NDEL1: variants seen among roughly 807,000 people sequenced by gnomAD.
NDEL1 encodes nudE neurodevelopment protein 1 like 1.
In NDEL1, 9 loss-of-function variants were observed where a neutral mutation model predicts 45.7. The observed-to-expected ratio is 0.20, with a 90% CI of 0.12 to 0.34. NDEL1 has a LOEUF of 0.34. Among genes scored for constraint, NDEL1 ranks in the 10% least tolerant of loss-of-function variants. NDEL1 has a pLI of 1.00. For missense variants in NDEL1, 306 were observed against 406.2 expected (o/e 0.75, Z 2.12); for synonymous variants, 133 against 158.6 (o/e 0.84, Z 1.21).
chr17:8,422,323 G>A (rs1260992598), intron 1 of NDEL1, among the ~76,000 whole-genome samples: 1 of 151,790 alleles, frequency 6.6e-6, no homozygotes, highest in Non-Finnish European at 1.5e-5. Flanking sequence ...TTTTTTTGTT[G>A]TTGTTGACGG....
intron 7 of NDEL1, 34 bp downstream of exon 7, chr17:8,454,921 A>G (rs1289256365): frequency 6.6e-7 from 1 of 1,503,928 alleles, no homozygotes; most frequent in East Asian, 2.3e-5. Context: ...AGGTGTTTCC[A>G]CTGACAAGGT....
intron 2 of NDEL1, 73 bp from the exon 3 acceptor site, chr17:8,445,638 C>G: frequency 6.7e-7 from 1 of 1,487,982 alleles, no homozygotes; most frequent in Non-Finnish European, 9.0e-7. Flanking sequence ...TATCGAATTG[C>G]TCTATAATCA....
chr17:8,419,699 G>T (rs1334851198), intron 1 of NDEL1, among the ~76,000 whole-genome samples: 1 of 152,060 alleles, frequency 6.6e-6, no homozygotes, highest in African/African-American at 2.4e-5. Flanking sequence ...AAGGAAAAAG[G>T]TAAACTTTAA....
chr17:8,435,508 C>CA (rs2151702710), upstream of NDEL1, among the ~76,000 whole-genome samples: 1 of 152,310 alleles, frequency 6.6e-6, no homozygotes, highest in South Asian at 2.1e-4. Context: ...GGTGTTCGAG[C>CA]AGGGGGAATG....
chr17:8,468,741 G>A (rs1911755693), downstream of NDEL1, among the ~76,000 whole-genome samples: 1 of 152,216 alleles, frequency 6.6e-6, no homozygotes, highest in African/African-American at 2.4e-5. Context: ...AAAACGATGT[G>A]AATCAAAACC....
At chr17:8,460,964 G>T (rs1013930932) in intron 8 of NDEL1, among the ~76,000 whole-genome samples, 1 of 151,990 alleles carries the variant, frequency 6.6e-6, no homozygotes, top group Non-Finnish European at 1.5e-5. Context: ...ATGGTAATAC[G>T]TGGTTGTATG....
chr17:8,420,805 T>C (rs1908690084), intron 1 of NDEL1, among the ~76,000 whole-genome samples: 1 of 152,194 alleles, frequency 6.6e-6, no homozygotes, highest in Admixed American at 6.5e-5. Context: ...GGGATGCTAT[T>C]AAGGAAAAGC....
intron 1 of NDEL1, among the ~76,000 whole-genome samples, chr17:8,422,732 T>TTTTCC (rs2151694487): frequency 6.7e-6 from 1 of 150,198 alleles, no homozygotes; most frequent in South Asian, 2.1e-4. Context: ...GTAATTTTCT[T>TTTTCC]TTTTCCTTTT....
chr17:8,428,351 TGTGTGTGTGTA>T (rs1250172627), intron 1 of NDEL1, among the ~76,000 whole-genome samples: 10 of 131,494 alleles, frequency 7.6e-5, no homozygotes, highest in South Asian at 5.2e-4. Context: ...TGTGTGTGTG[TGTGTGTGTGTA>T]TTTTTTTTTT....
At chr17:8,434,485 G>A (rs1909126137), upstream of NDEL1, among the ~76,000 whole-genome samples, 1 of 152,272 alleles carries the variant, frequency 6.6e-6, no homozygotes, top group African/African-American at 2.4e-5. Flanking sequence ...CCAAAGTGCT[G>A]CAGCGCCTGG....
chr17:8,448,703 A>G lies in NDEL1; in HGVS notation c.526+17A>G, dbSNP rs374533836. 9 of 1,602,574 alleles carry G rather than the reference A, an allele frequency of 5.6e-6. No homozygotes were observed. The African/African-American group carries it at 8.0e-5, about 14-fold the overall frequency. Reference sequence around the variant, plus strand: ...AAGCAAGAGGTAAAATTTATAACTTAAAGAATACAGTTGACCCTTGAACAA... The same window carrying G: ...AAGCAAGAGGTAAAATTTATAACTTGAAGAATACAGTTGACCCTTGAACAA... On this transcript the variant is annotated intron_variant, in intron 5 of 8. Transcript: ENST00000334527.
At chr17:8,453,716 C>T (rs184573102) in intron 6 of NDEL1, among the ~76,000 whole-genome samples, 1 of 151,948 alleles carries the variant, frequency 6.6e-6, no homozygotes, top group African/African-American at 2.4e-5. Flanking sequence ...AATAAAAATC[C>T]TAATAGGATT....
At chr17:8,415,272 G>A (rs957924143) in intron 1 of NDEL1, among the ~76,000 whole-genome samples, 5 of 144,634 alleles carry the variant, frequency 3.5e-5, no homozygotes, top group East Asian at 2.1e-4. Context: ...TTGAATTCCC[G>A]GGCTTAAGCC....
intron 1 of NDEL1, among the ~76,000 whole-genome samples, chr17:8,427,665 G>A (rs142467953): frequency 6.6e-6 from 1 of 152,076 alleles, no homozygotes; most frequent in African/African-American, 2.4e-5. Flanking sequence ...CCAAGCTCGC[G>A]CCACTGCACT....
chr17:8,452,070 T>C (rs1294284082), intron 6 of NDEL1, among the ~76,000 whole-genome samples: 1 of 152,228 alleles, frequency 6.6e-6, no homozygotes, highest in Non-Finnish European at 1.5e-5. Flanking sequence ...GTGAAGGTGC[T>C]GTATGGTTGT....
At chr17:8,431,148 C>T (rs890722881), upstream of NDEL1, 9 of 152,318 alleles carry the variant, frequency 5.9e-5, no homozygotes, top group Non-Finnish European at 1.0e-4. Flanking sequence ...GCACCTCAGC[C>T]AGGAGGCAGG....
At chr17:8,440,490 G>A (rs149486333) in intron 1 of NDEL1, among the ~76,000 whole-genome samples, 334 of 149,348 alleles carry the variant, frequency 2.2e-3, no homozygotes, top group African/African-American at 7.8e-3. Context: ...CTCCAGCCTG[G>A]GCAACAGAGT....
intron 8 of NDEL1, chr17:8,463,308 T>G (rs745544020): frequency 6.2e-7 from 1 of 1,608,246 alleles, no homozygotes; most frequent in South Asian, 1.1e-5. Flanking sequence ...ATGTTCTCCT[T>G]TCTTTTATTA....
intron 3 of NDEL1, among the ~76,000 whole-genome samples, chr17:8,473,576 G>A (rs540164356): frequency 6.6e-6 from 1 of 152,282 alleles, no homozygotes; most frequent in Admixed American, 6.5e-5. Flanking sequence ...CCCTGCTGAA[G>A]CACCATACCT....
Sources: allele counts gnomAD v4.1 joint callset (sites outside exome capture counted in the v4.1 genomes callset), GRCh38; gene constraint gnomAD v4.1.1; transcripts MANE v1.5; gene names NCBI Gene and HGNC (gene_info 2026-07-23, HGNC 2026-07-21).